The following FRMD4A variants were observed in gnomAD, a reference collection of about 807,000 sequenced individuals.
FRMD4A encodes the protein FERM domain-containing protein 4A.
FRMD4A carries 29 observed loss-of-function variants against 129.1 expected under a neutral mutation model. That is an observed-to-expected ratio of 0.22 (90% CI 0.17 to 0.31). FRMD4A has a LOEUF of 0.31. Among genes scored for constraint, FRMD4A ranks in the 10% least tolerant of loss-of-function variants. The probability of loss-of-function intolerance (pLI) is 1.00; values close to 1 mark genes in which losing one functional copy is unlikely to be tolerated. For synonymous variants in FRMD4A, 634 were observed against 571.6 expected, an observed-to-expected ratio of 1.11 and a Z score of -1.56; for missense variants, 1,272 against 1,375.8, an observed-to-expected ratio of 0.92 and a Z score of 1.19.
intron 15 of FRMD4A, chr10:13,684,737 GA>G: frequency 1.5e-5 from 15 of 985,122 alleles, no homozygotes; most frequent in Non-Finnish European, 1.7e-5. Context: ...ACTGATTTCA[GA>G]AGACAGAGAA....
At chr10:14,233,657 A>T (rs1320509205) in intron 2 of FRMD4A, among the ~76,000 whole-genome samples, 1 of 152,226 alleles carries the variant, frequency 6.6e-6, no homozygotes, top group Non-Finnish European at 1.5e-5. Flanking sequence ...AATGCACAAG[A>T]ATCAGAACAG....
At chr10:14,244,947 T>C (rs1245027744) in intron 2 of FRMD4A, among the ~76,000 whole-genome samples, 1 of 152,244 alleles carries the variant, frequency 6.6e-6, no homozygotes, top group Non-Finnish European at 1.5e-5. Context: ...TTTCTCTGCC[T>C]CACTTTACTA....
At chr10:13,891,763 C>T in intron 2 of FRMD4A, 2 of 982,108 alleles carry the variant, frequency 2.0e-6, no homozygotes, top group Non-Finnish European at 2.4e-6. Context: ...GGCGAGCCCC[C>T]GCCCCGTCCC....
intron 2 of FRMD4A, among the ~76,000 whole-genome samples, chr10:14,089,393 G>C (rs1343980776): frequency 2.0e-5 from 3 of 152,010 alleles, no homozygotes; most frequent in Admixed American, 1.3e-4. Flanking sequence ...TCCCAGAGAG[G>C]ACGGGCTGGC....
chr10:14,220,806 G>T (rs200079856), intron 2 of FRMD4A, among the ~76,000 whole-genome samples: 175 of 33,182 alleles, frequency 5.3e-3, no homozygotes, highest in Middle Eastern at 0.018. Context: ...GTGTGTGTGT[G>T]TGTGTTTGTG....
rs183425670 is a variant in FRMD4A, at chr10:14,099,527, C to G, written c.45+230531G>C. On this transcript the variant is annotated intron_variant, in intron 2 of 24. Coordinates refer to ENST00000357447, the MANE Select transcript of FRMD4A (RefSeq NM_018027.5). ...GGCATGCCCAACTCCTACAATCAGC[C>G]CTGCAGAACTCCTATACGAAAGTTG... is the stretch of plus-strand genomic sequence containing the variant. Among the ~76,000 whole-genome samples the G allele has an allele frequency of 1.4e-4, 22 of 152,274 alleles. No individual in the cohort carries two copies. The East Asian group carries it at 4.2e-3, about 29-fold the overall frequency.
intron 2 of FRMD4A, chr10:13,971,510 G>T (rs1287119836): frequency 9.5e-6 from 4 of 422,566 alleles, no homozygotes; most frequent in South Asian, 3.7e-5. Context: ...AGAAGATGAG[G>T]CTCTGTTCAT....
intron 2 of FRMD4A, among the ~76,000 whole-genome samples, chr10:14,091,420 T>C (rs941162474): frequency 1.3e-5 from 2 of 151,784 alleles, no homozygotes; most frequent in Admixed American, 6.6e-5. Flanking sequence ...CCATTCTTAG[T>C]TTTTTGGTTT....
chr10:14,242,441 A>T (rs145791792), intron 2 of FRMD4A, among the ~76,000 whole-genome samples: 9 of 152,348 alleles, frequency 5.9e-5, no homozygotes, highest in African/African-American at 2.2e-4. Flanking sequence ...CGTCGTTGCT[A>T]AGGATGTTGG....
chr10:13,951,627 T>C (rs1383380676), intron 2 of FRMD4A, among the ~76,000 whole-genome samples: 5 of 151,948 alleles, frequency 3.3e-5, no homozygotes, highest in African/African-American at 1.2e-4. Flanking sequence ...TGGTGGCTCA[T>C]GCCTGTAATC....
intron 2 of FRMD4A, among the ~76,000 whole-genome samples, chr10:14,000,928 T>C (rs2095640684): frequency 6.6e-6 from 1 of 152,144 alleles, no homozygotes. Flanking sequence ...GGACACTGCA[T>C]AGGATGTGCC....
At chr10:14,086,864 G>A (rs1836310225) in intron 2 of FRMD4A, among the ~76,000 whole-genome samples, 1 of 152,234 alleles carries the variant, frequency 6.6e-6, no homozygotes, top group Non-Finnish European at 1.5e-5. Context: ...GGGAGTTGGA[G>A]AAACGATTTT....
intron 3 of FRMD4A, 125 bp from the exon 4 acceptor site, chr10:13,811,033 T>C (rs972210508): frequency 8.7e-6 from 5 of 572,762 alleles, no homozygotes; most frequent in African/African-American, 1.9e-5. Flanking sequence ...TTGAAGCAAA[T>C]GATTTTTATA....
intron 2 of FRMD4A, among the ~76,000 whole-genome samples, chr10:13,996,907 T>A (rs1003113491): frequency 2.0e-5 from 3 of 152,180 alleles, no homozygotes; most frequent in African/African-American, 7.2e-5. Context: ...TAAATTATAC[T>A]TTCTAAATCT....
chr10:13,964,703 C>T (rs1213966691), intron 2 of FRMD4A, among the ~76,000 whole-genome samples: 12 of 139,266 alleles, frequency 8.6e-5, no homozygotes, highest in South Asian at 6.7e-4. Flanking sequence ...GACAGAGTTT[C>T]GCTCTGTCAC....
intron 2 of FRMD4A, among the ~76,000 whole-genome samples, chr10:13,875,335 A>G (rs1432402395): frequency 6.6e-6 from 1 of 152,248 alleles, no homozygotes; most frequent in Non-Finnish European, 1.5e-5. Flanking sequence ...TGCAACAGCA[A>G]GATCCACAAG....
chr10:14,110,508 G>A (rs1362889405), intron 2 of FRMD4A, among the ~76,000 whole-genome samples: 1 of 152,156 alleles, frequency 6.6e-6, no homozygotes, highest in Non-Finnish European at 1.5e-5. Context: ...AGATGAGAAT[G>A]CAGAAATAAA....
chr10:13,897,294 C>A (rs890914619), intron 2 of FRMD4A, among the ~76,000 whole-genome samples: 1 of 152,168 alleles, frequency 6.6e-6, no homozygotes, highest in Non-Finnish European at 1.5e-5. Context: ...AGCAGAAATA[C>A]TTTTCTTTTT....
intron 6 of FRMD4A, among the ~76,000 whole-genome samples, chr10:13,765,259 C>T (rs879904502): frequency 7.2e-5 from 11 of 151,756 alleles, no homozygotes; most frequent in South Asian, 6.3e-4. Context: ...AGATTACAGG[C>T]GCCCACCACC....
Sources: gnomAD v4.1 joint callset for allele counts (sites outside exome capture counted in the v4.1 genomes callset) on GRCh38, gnomAD v4.1.1 for gene constraint, MANE v1.5 for transcripts, NCBI Gene and HGNC (gene_info 2026-07-23, HGNC 2026-07-21) for gene names.